ADAMTS9: variants seen among roughly 807,000 people sequenced by gnomAD.
ADAMTS9 encodes ADAM metallopeptidase with thrombospondin type 1 motif 9.
ADAMTS9 carries 107 observed loss-of-function variants against 257.1 expected under a neutral mutation model. The ratio of observed to expected loss-of-function variants is 0.42; its 90% confidence interval spans 0.36 to 0.49. The LOEUF is 0.49. Among genes scored for constraint, ADAMTS9 ranks in the 20% least tolerant of loss-of-function variants. ADAMTS9 has a pLI of 0.03. For missense variants in ADAMTS9, 2,353 were observed against 2,469.1 expected (o/e 0.95, Z 1.00); for synonymous variants, 982 against 880.9 (o/e 1.11, Z -2.03).
rs571700805 is a variant in ADAMTS9 at position 64,687,968 on chromosome 3, A to G, written c.-311T>C. The G allele has an allele frequency of 6.6e-3, 1,435 of 218,118 alleles. 24 individuals are homozygous for G. Among genetic ancestry groups the G allele is most frequent in the African/African-American group, 0.031 (1,326 of 43,408 alleles). 13.5% of individuals were successfully genotyped at this position (218,118 alleles called of 1,614,324 possible). A position where few individuals can be genotyped will look rare whatever the true frequency, so the allele number is the denominator to read the frequency against. On this transcript the variant is annotated 5_prime_UTR_variant, in exon 1 of 40. Coordinates refer to ENST00000498707, the MANE Select transcript of ADAMTS9 (RefSeq NM_182920.2). This position sits in a 1 kb window ranked among gnomAD's most constrained non-coding sequence, Gnocchi z 4.4. ...AGCGAGCGGGCAGGAGAAGGCGAGGAACTTGCGCTCCGAGGCGCGCCGGGC... is the reference window on the plus strand; with the variant it reads ...AGCGAGCGGGCAGGAGAAGGCGAGGGACTTGCGCTCCGAGGCGCGCCGGGC...
intron 11 of ADAMTS9, among the ~76,000 whole-genome samples, chr3:64,644,512 T>C (rs1700736251): frequency 6.6e-6 from 1 of 152,182 alleles, no homozygotes; most frequent in Admixed American, 6.5e-5. Flanking sequence ...CTCCCCTTTA[T>C]CTTGGCAATA....
chr3:64,686,612 T>C lies in ADAMTS9; in HGVS notation c.472A>G (p.Thr158Ala). 6.2e-7 allele frequency: 1 copy of C among 1,613,756 alleles called. No individual in the cohort carries two copies. The highest frequency in any genetic ancestry group is 8.5e-7 in the Non-Finnish European group (1 of 1,179,928). The change falls in exon 2 of 40, where the codon ACC becomes GCC. Residue 158 changes from threonine to alanine, a missense_variant. Physicochemically the swap from Thr to Ala is moderately conservative, Grantham distance 58 (BLOSUM62 0). This residue lies in a region of ADAMTS9 where 591 missense variants were observed against 569.6 expected (regional missense o/e 1.04). Coordinates refer to ENST00000498707, the MANE Select transcript of ADAMTS9 (RefSeq NM_182920.2). The surrounding 1 kb of genome is among the most constrained non-coding windows in gnomAD (Gnocchi z 4.6). Reference protein sequence around the residue: ...KHCFYKGYVNTNSEHTAVISL... With the variant: ...KHCFYKGYVNANSEHTAVISL... Reference sequence around the variant, plus strand: ...ATGACGGCCGTGTGCTCGGAGTTGGTATTGACATAGCCTTTGTAGAAACAG... The same window carrying C: ...ATGACGGCCGTGTGCTCGGAGTTGGCATTGACATAGCCTTTGTAGAAACAG...
chr3:64,623,767 A>T (rs1275974093), intron 16 of ADAMTS9, among the ~76,000 whole-genome samples: 1 of 152,160 alleles, frequency 6.6e-6, no homozygotes, highest in Non-Finnish European at 1.5e-5. Flanking sequence ...AGAATGTAAG[A>T]CCCATGATGG....
chr3:64,530,031 C>T (rs149150436), intron 38 of ADAMTS9, among the ~76,000 whole-genome samples: 4 of 135,422 alleles, frequency 3.0e-5, no homozygotes, highest in African/African-American at 8.5e-5. Flanking sequence ...CCTGTGTTGC[C>T]CAAGCTGGTC....
At chr3:64,560,282 TA>T (rs2106642013) in intron 30 of ADAMTS9, among the ~76,000 whole-genome samples, 1 of 152,288 alleles carries the variant, frequency 6.6e-6, no homozygotes, top group East Asian at 1.9e-4. Flanking sequence ...GTAACTGCTT[TA>T]GGCATTCCTC....
chr3:64,656,798 G>A (rs941126860), intron 4 of ADAMTS9, among the ~76,000 whole-genome samples: 1 of 152,060 alleles, frequency 6.6e-6, no homozygotes, highest in Non-Finnish European at 1.5e-5. Flanking sequence ...GGGGCGCAGA[G>A]GGGAATGGGT....
At chr3:64,587,710 G>A (rs1460334825) in intron 28 of ADAMTS9, 1 of 152,060 alleles carries the variant, frequency 6.6e-6, no homozygotes, top group African/African-American at 2.4e-5. Flanking sequence ...ACTACCCCTG[G>A]ACATGCTTTC....
At chr3:64,564,201 C>T (rs964726241) in intron 29 of ADAMTS9, among the ~76,000 whole-genome samples, 17 of 152,200 alleles carry the variant, frequency 1.1e-4, no homozygotes, top group African/African-American at 2.7e-4. Context: ...TCAAAGTAGA[C>T]GTTTTTCACT....
Position 64,686,438 on chromosome 3 carries a change from G to T in ADAMTS9, c.516+130C>A. Reference sequence around the variant, plus strand: ...GCTACCCAAACCATACGAGTTTCTAGCTGATATTTAACGCCGGAGAGGAGC... The same window carrying T: ...GCTACCCAAACCATACGAGTTTCTATCTGATATTTAACGCCGGAGAGGAGC... On this transcript the variant is annotated intron_variant, in intron 2 of 39. Coordinates refer to ENST00000498707, the MANE Select transcript of ADAMTS9 (RefSeq NM_182920.2). This position sits in a 1 kb window ranked among gnomAD's most constrained non-coding sequence, Gnocchi z 4.6. 2 of 1,286,632 alleles carry T rather than the reference G, an allele frequency of 1.6e-6. No homozygotes were observed. Among genetic ancestry groups the T allele is most frequent in the Admixed American group, 2.8e-5 (1 of 35,748 alleles). 79.7% of individuals were successfully genotyped at this position (1,286,632 alleles called of 1,614,324 possible).
At chr3:64,661,362 T>A (rs1238504972) in intron 3 of ADAMTS9, among the ~76,000 whole-genome samples, 1 of 152,274 alleles carries the variant, frequency 6.6e-6, no homozygotes, top group South Asian at 2.1e-4. Context: ...AATCATCAAA[T>A]GAATGTAGAC....
At chr3:64,575,072 A>G (rs1320457725) in intron 28 of ADAMTS9, among the ~76,000 whole-genome samples, 3 of 152,182 alleles carry the variant, frequency 2.0e-5, no homozygotes, top group Admixed American at 6.5e-5. Flanking sequence ...TTTCTCTTGG[A>G]CATTTTTCAG....
chr3:64,654,203 A>G, intron 8 of ADAMTS9, 150 bp downstream of exon 8: 1 of 763,504 alleles, frequency 1.3e-6, no homozygotes, highest in Non-Finnish European at 2.2e-6. Context: ...CATTTCACCT[A>G]ATTAGGTTCA....
intron 16 of ADAMTS9, among the ~76,000 whole-genome samples, chr3:64,630,558 C>T (rs1363281797): frequency 6.6e-6 from 1 of 152,094 alleles, no homozygotes; most frequent in South Asian, 2.1e-4. Flanking sequence ...GCCTCGGTGA[C>T]AGAGTGAGAC....
intron 3 of ADAMTS9, among the ~76,000 whole-genome samples, chr3:64,669,154 T>G (rs1576179527): frequency 6.6e-6 from 1 of 152,324 alleles, no homozygotes; most frequent in East Asian, 1.9e-4. Context: ...TTTATTTATT[T>G]TAAAATCATA....
chr3:64,559,059 A>G (rs909803254), intron 30 of ADAMTS9, among the ~76,000 whole-genome samples: 1 of 152,152 alleles, frequency 6.6e-6, no homozygotes, highest in Non-Finnish European at 1.5e-5. Flanking sequence ...TTATCAAGTG[A>G]CCACCCAGTT....
chr3:64,588,686 C>T (rs755542696), intron 28 of ADAMTS9: 3 of 152,150 alleles, frequency 2.0e-5, no homozygotes, highest in African/African-American at 7.2e-5. Flanking sequence ...ACCCTGCTCC[C>T]CCAACCTGTG....
chr3:64,616,340 C>T (rs1245370014), intron 19 of ADAMTS9, among the ~76,000 whole-genome samples, 170 bp from the exon 20 acceptor site: 3 of 152,152 alleles, frequency 2.0e-5, no homozygotes, highest in African/African-American at 7.2e-5. Flanking sequence ...ACCAACATAT[C>T]CATGTGTTTT....
At chr3:64,669,053 T>A (rs1011936104) in intron 3 of ADAMTS9, among the ~76,000 whole-genome samples, 40 of 152,106 alleles carry the variant, frequency 2.6e-4, no homozygotes, top group Non-Finnish European at 1.5e-5. Context: ...CATGCTGTGC[T>A]CCAATGACCA....
intron 4 of ADAMTS9, among the ~76,000 whole-genome samples, chr3:64,656,208 A>G (rs984044406): frequency 4.6e-5 from 7 of 152,208 alleles, no homozygotes; most frequent in African/African-American, 1.7e-4. Flanking sequence ...TTGCCAACTT[A>G]TAGAATCTCA....
Sources: gnomAD v4.1 joint callset for allele counts (sites outside exome capture counted in the v4.1 genomes callset) on GRCh38, gnomAD v4.1.1 for gene constraint, gnomAD v4.1.1 regional missense constraint, Gnocchi (gnomAD v3.1) non-coding constraint, MANE v1.5 for transcripts, NCBI Gene and HGNC (gene_info 2026-07-23, HGNC 2026-07-21) for gene names.